The following PSD3 variants were observed in gnomAD, a reference collection of about 807,000 sequenced individuals.
PSD3 encodes the protein PH and SEC7 domain-containing protein 3.
PSD3 carries 49 observed loss-of-function variants against 105.5 expected under a neutral mutation model. That is an observed-to-expected ratio of 0.46 (90% CI 0.37 to 0.59). The LOEUF is 0.59. PSD3 is among the 20% of genes least tolerant of loss of function. The pLI is 0.00. For missense variants in PSD3, 1,561 were observed against 1,263.8 expected, an observed-to-expected ratio of 1.24 and a Z score of -3.57; for synonymous variants, 557 against 457.8, an observed-to-expected ratio of 1.22 and a Z score of -2.77.
intron 12 of PSD3, among the ~76,000 whole-genome samples, chr8:18,591,714 G>A (rs1397859710): frequency 2.0e-5 from 3 of 152,118 alleles, no homozygotes; most frequent in Middle Eastern, 3.2e-3. Context: ...CAGCATTCTG[G>A]CTTTTTGGAG....
intron 4 of PSD3, among the ~76,000 whole-genome samples, chr8:18,844,851 T>C (rs1814952769): frequency 6.6e-6 from 1 of 152,194 alleles, no homozygotes; most frequent in Admixed American, 6.5e-5. Flanking sequence ...GCATTTACTT[T>C]GGGTATAAAG....
At chr8:18,928,342 T>C (rs905322022) in intron 2 of PSD3, among the ~76,000 whole-genome samples, 5 of 152,328 alleles carry the variant, frequency 3.3e-5, no homozygotes, top group South Asian at 4.1e-4. Context: ...TCTTCCACCA[T>C]GATTGTGAGG....
intron 10 of PSD3, among the ~76,000 whole-genome samples, chr8:18,642,977 T>C (rs941113914): frequency 1.3e-5 from 2 of 152,206 alleles, no homozygotes; most frequent in Non-Finnish European, 2.9e-5. Flanking sequence ...TGAGATATGC[T>C]TTAGGTTCTT....
intron 13 of PSD3, among the ~76,000 whole-genome samples, chr8:18,574,926 G>C (rs115098414): frequency 6.6e-6 from 1 of 151,822 alleles, no homozygotes; most frequent in African/African-American, 2.4e-5. Flanking sequence ...GGGCTACTTT[G>C]TAACAGGTAA....
intron 12 of PSD3, among the ~76,000 whole-genome samples, chr8:18,587,738 C>T (rs1585313297): frequency 6.6e-6 from 1 of 152,242 alleles, no homozygotes; most frequent in African/African-American, 2.4e-5. Flanking sequence ...CTCAATTTAT[C>T]TGTTTTCCTC....
At chr8:18,931,413 C>CAGCA (rs1171519120) in intron 2 of PSD3, among the ~76,000 whole-genome samples, 2 of 152,134 alleles carry the variant, frequency 1.3e-5, no homozygotes, top group Admixed American at 1.3e-4. Flanking sequence ...CATCTAAGTC[C>CAGCA]AGCAAGCACC....
chr8:19,080,756 T>C (rs1366274602), intron 1 of PSD3, among the ~76,000 whole-genome samples: 1 of 152,088 alleles, frequency 6.6e-6, no homozygotes, highest in African/African-American at 2.4e-5. Flanking sequence ...AAGACCAAAA[T>C]AGAGCAGTCA....
At chr8:18,867,553 A>G in intron 4 of PSD3, 121 bp downstream of exon 4, 1 of 1,278,028 alleles carries the variant, frequency 7.8e-7, no homozygotes, top group East Asian at 2.5e-5. Context: ...TACTCACATC[A>G]TTTGCTTATG....
At chr8:18,759,559 T>G (rs1466943340) in intron 9 of PSD3, among the ~76,000 whole-genome samples, 2 of 152,286 alleles carry the variant, frequency 1.3e-5, no homozygotes, top group African/African-American at 4.8e-5. Flanking sequence ...CTTACTGAAT[T>G]TAACTGCTGC....
At chr8:18,693,574 T>C (rs1286879047) in intron 9 of PSD3, among the ~76,000 whole-genome samples, 1 of 152,186 alleles carries the variant, frequency 6.6e-6, no homozygotes, top group South Asian at 2.1e-4. Context: ...AACAAAGGTA[T>C]AAGCCATGTG....
chr8:18,936,326 G>A (rs917959943), intron 1 of PSD3, among the ~76,000 whole-genome samples, 184 bp from the exon 2 acceptor site: 4 of 152,094 alleles, frequency 2.6e-5, no homozygotes, highest in African/African-American at 9.7e-5. Context: ...AACTATCACT[G>A]CATGATTATA....
intron 1 of PSD3, among the ~76,000 whole-genome samples, chr8:19,003,311 C>A (rs180930152): frequency 5.9e-5 from 9 of 151,800 alleles, no homozygotes; most frequent in Non-Finnish European, 1.2e-4. Flanking sequence ...TTGAAGGCTG[C>A]AGTGAGCTAT....
chr8:18,926,113 T>C (rs894679094), intron 2 of PSD3, among the ~76,000 whole-genome samples: 4 of 85,402 alleles, frequency 4.7e-5, no homozygotes, highest in Non-Finnish European at 9.4e-5. Context: ...TGGTATGTTG[T>C]TTTTTTTTTT....
chr8:18,774,167 C>T (rs1807810465), intron 8 of PSD3, among the ~76,000 whole-genome samples: 1 of 123,190 alleles, frequency 8.1e-6, no homozygotes, highest in African/African-American at 2.5e-5. Flanking sequence ...ATACAGATTC[C>T]TTTAGTTATT....
intron 9 of PSD3, among the ~76,000 whole-genome samples, chr8:18,658,801 G>C (rs531974598): frequency 2.8e-5 from 4 of 141,806 alleles, no homozygotes; most frequent in Admixed American, 1.4e-4. Context: ...AATTAATGTA[G>C]TCAGATCATA....
chr8:18,677,995 G>C (rs1800166066), intron 9 of PSD3, among the ~76,000 whole-genome samples: 1 of 135,024 alleles, frequency 7.4e-6, no homozygotes, highest in Non-Finnish European at 1.6e-5. Flanking sequence ...GGGCAGCAGA[G>C]CGAGACTCTG....
intron 12 of PSD3, among the ~76,000 whole-genome samples, chr8:18,576,359 C>A (rs939233669): frequency 3.3e-5 from 5 of 152,042 alleles, no homozygotes; most frequent in African/African-American, 9.7e-5. Flanking sequence ...TGCAACAAGT[C>A]TTACTTTATT....
intron 7 of PSD3, among the ~76,000 whole-genome samples, chr8:18,800,591 G>A (rs1025802258): frequency 6.6e-6 from 1 of 152,142 alleles, no homozygotes; most frequent in Non-Finnish European, 1.5e-5. Context: ...TTTATTGCAG[G>A]AACTGAAATG....
intron 11 of PSD3, among the ~76,000 whole-genome samples, chr8:18,617,002 C>G (rs1349693991): frequency 6.6e-6 from 1 of 152,146 alleles, no homozygotes; most frequent in Non-Finnish European, 1.5e-5. Flanking sequence ...AAAAGTTTCT[C>G]TACTCCATTG....
Sources: allele counts gnomAD v4.1 joint callset (sites outside exome capture counted in the v4.1 genomes callset), GRCh38; gene constraint gnomAD v4.1.1; transcripts MANE v1.5; gene names NCBI Gene and HGNC (gene_info 2026-07-23, HGNC 2026-07-21).